The following DAB1 variants were observed in gnomAD, a reference collection of about 807,000 sequenced individuals.
DAB1 encodes the protein DAB adaptor protein 1, also known as disabled homolog 1.
Under a neutral mutation model 64.6 loss-of-function variants are expected in DAB1, and 15 were observed. That is an observed-to-expected ratio of 0.23 (90% confidence interval 0.16 to 0.36). DAB1 has a LOEUF of 0.36. Ranked by LOEUF, DAB1 falls within the 10% of genes least tolerant of loss-of-function variation. The pLI is 1.00. For missense variants in DAB1, 596 were observed against 706.7 expected (o/e 0.84, Z 1.78); for synonymous variants, 235 against 251.9 (o/e 0.93, Z 0.64).
intron 5 of DAB1, among the ~76,000 whole-genome samples, chr1:57,974,759 T>C (rs900587150): frequency 2.6e-5 from 4 of 152,178 alleles, no homozygotes; most frequent in Non-Finnish European, 5.9e-5. Flanking sequence ...TACATTTATG[T>C]GTCCACTGTT....
At chr1:57,306,513 CTTTTTTTT>C (rs1166241090) in intron 1 of DAB1, among the ~76,000 whole-genome samples, 2 of 114,344 alleles carry the variant, frequency 1.7e-5, no homozygotes, top group African/African-American at 6.6e-5. Flanking sequence ...TTAGAACAGG[CTTTTTTTT>C]TTTTTTTTTT....
intron 5 of DAB1, among the ~76,000 whole-genome samples, chr1:58,033,836 T>C (rs113320870): frequency 3.3e-4 from 51 of 152,330 alleles, no homozygotes; most frequent in Middle Eastern, 3.4e-3. Flanking sequence ...TTAGGTTATC[T>C]AAATTGCACC....
At chr1:57,502,335 A>G (rs1972381) in intron 7 of DAB1, among the ~76,000 whole-genome samples, 8,233 of 145,934 alleles carry the variant, frequency 0.056, 854 homozygotes, top group African/African-American at 0.21. Context: ...AAAAAAAAAA[A>G]AAAGAAAGAA....
At chr1:57,174,193 C>T (rs1662064935) in intron 2 of DAB1, among the ~76,000 whole-genome samples, 5 of 152,164 alleles carry the variant, frequency 3.3e-5, no homozygotes, top group Admixed American at 3.3e-4. Context: ...CACTGGCCTT[C>T]CAGACTTGCT....
intron 4 of DAB1, among the ~76,000 whole-genome samples, chr1:58,300,672 G>C (rs1457829984): frequency 5.9e-5 from 8 of 135,512 alleles, no homozygotes; most frequent in Admixed American, 5.6e-4. Flanking sequence ...AAGGAAGGAA[G>C]GAAGGAAGGA....
At chr1:57,165,726 TAAG>T (rs1358339588) in intron 2 of DAB1, among the ~76,000 whole-genome samples, 1 of 152,192 alleles carries the variant, frequency 6.6e-6, no homozygotes, top group Admixed American at 6.5e-5. Context: ...ACATAGCCAA[TAAG>T]GAGATGTGAT....
intron 4 of DAB1, among the ~76,000 whole-genome samples, chr1:58,296,257 G>GAA (rs1341422871): frequency 1.4e-5 from 2 of 138,870 alleles, no homozygotes; most frequent in Admixed American, 7.1e-5. Flanking sequence ...AAGAAAGAAA[G>GAA]AAAGAAAAGT....
intron 6 of DAB1, among the ~76,000 whole-genome samples, chr1:57,715,963 T>C (rs990731327): frequency 6.6e-6 from 1 of 152,242 alleles, no homozygotes; most frequent in Non-Finnish European, 1.5e-5. Flanking sequence ...CAGGCTAGAA[T>C]GCAATGGCAT....
chr1:58,439,623 C>T (rs912669470), intron 3 of DAB1, among the ~76,000 whole-genome samples: 8 of 152,168 alleles, frequency 5.3e-5, no homozygotes, highest in African/African-American at 1.9e-4. Context: ...TTATGCAATC[C>T]TGTGAGGAAA....
At chr1:58,190,973 C>T (rs1657359531) in intron 4 of DAB1, among the ~76,000 whole-genome samples, 1 of 152,172 alleles carries the variant, frequency 6.6e-6, no homozygotes, top group Non-Finnish European at 1.5e-5. Flanking sequence ...CCAATGGGCT[C>T]TCACAGTCCC....
chr1:57,715,200 CT>C (rs1647070718), intron 6 of DAB1, among the ~76,000 whole-genome samples: 2 of 152,122 alleles, frequency 1.3e-5, no homozygotes, highest in Admixed American at 6.5e-5. Flanking sequence ...TCAATAGATG[CT>C]GAAAAAGCAT....
chr1:57,742,654 A>G (rs1648059011), intron 6 of DAB1, among the ~76,000 whole-genome samples: 1 of 152,168 alleles, frequency 6.6e-6, no homozygotes. Flanking sequence ...GACAAGGACA[A>G]TGATTATCCA....
chr1:57,706,738 G>C (rs2101738842), intron 6 of DAB1, among the ~76,000 whole-genome samples: 1 of 152,182 alleles, frequency 6.6e-6, no homozygotes, highest in African/African-American at 2.4e-5. Context: ...TTTATATGCT[G>C]TTTTATCACG....
chr1:57,914,710 A>G (rs1039324906), intron 5 of DAB1, among the ~76,000 whole-genome samples: 1 of 152,258 alleles, frequency 6.6e-6, no homozygotes, highest in Non-Finnish European at 1.5e-5. Flanking sequence ...TACTTAATGA[A>G]TGACTGTAAA....
intron 4 of DAB1, among the ~76,000 whole-genome samples, chr1:57,111,838 C>CTA (rs1238979505): frequency 6.6e-6 from 1 of 152,168 alleles, no homozygotes; most frequent in African/African-American, 2.4e-5. Flanking sequence ...TACATAGTTG[C>CTA]TGTATAGATA....
At chr1:57,539,527 T>C (rs558848485) in intron 7 of DAB1, among the ~76,000 whole-genome samples, 46 of 152,308 alleles carry the variant, frequency 3.0e-4, no homozygotes, top group African/African-American at 1.1e-3. Context: ...TTTTGTTATC[T>C]AAAAAATTAC....
intron 7 of DAB1, among the ~76,000 whole-genome samples, chr1:57,538,461 G>C (rs1036666332): frequency 2.6e-5 from 4 of 152,114 alleles, no homozygotes; most frequent in Admixed American, 2.6e-4. Flanking sequence ...CTGGAATTTT[G>C]ACCAGCAGCA....
intron 2 of DAB1, among the ~76,000 whole-genome samples, chr1:57,240,315 C>T (rs1668408402): frequency 6.6e-6 from 1 of 152,110 alleles, no homozygotes; most frequent in African/African-American, 2.4e-5. Flanking sequence ...AATAATAATA[C>T]ACTTAAAAAA....
intron 2 of DAB1, among the ~76,000 whole-genome samples, chr1:57,194,343 T>C (rs1202280513): frequency 6.6e-6 from 1 of 152,208 alleles, no homozygotes; most frequent in Admixed American, 6.5e-5. Flanking sequence ...TCCTGTTTAG[T>C]GAGGCCTGAG....
Sources: gnomAD v4.1 joint callset for allele counts (sites outside exome capture counted in the v4.1 genomes callset) on GRCh38, gnomAD v4.1.1 for gene constraint, MANE v1.5 for transcripts, NCBI Gene and HGNC (gene_info 2026-07-23, HGNC 2026-07-21) for gene names.